EML2: variants seen among roughly 807,000 people sequenced by gnomAD.
EML2 encodes EMAP like 2.
EML2 carries 59 observed loss-of-function variants against 84.7 expected under a neutral mutation model. The observed-to-expected ratio is 0.70, with a 90% confidence interval of 0.56 to 0.86. EML2 has a LOEUF of 0.86. Ranked by LOEUF, EML2 falls within the 40% of genes least tolerant of loss-of-function variation. The pLI is 0.00. For synonymous variants in EML2, 352 were observed against 348.9 expected, an observed-to-expected ratio of 1.01 and a Z score of -0.10; for missense variants, 818 against 855.6, an observed-to-expected ratio of 0.96 and a Z score of 0.55.
At chr19:45,637,656 CTTTTTCTTTTCTTTTTT>C (rs1973899543) in intron 3 of EML2, among the ~76,000 whole-genome samples, 7 of 98,842 alleles carry the variant, frequency 7.1e-5, no homozygotes, top group South Asian at 6.5e-4. Context: ...TTTTTTTTTT[CTTTTTCTTTTCTTTTTT>C]TTTTTTTTTT....
chr19:45,619,081 G>A lies in EML2; in HGVS notation c.1233C>T (p.Pro411=). The change falls in exon 12 of 19, where the codon CCC becomes CCT. Residue 411 remains proline, a synonymous_variant. Transcript: ENST00000245925. ...VHLWSSDSHQ[P]LWSRIIEDPA... The stretch of plus-strand genomic sequence containing the variant: ...TTACCTCGATGATCCTGCTCCACAG[G>A]GGCTGGTGGGAATCTGAGCTCCATA... 2.5e-6 allele frequency: 4 copies of A among 1,613,082 alleles called. No homozygotes were observed. The highest frequency in any genetic ancestry group is 3.4e-6 in the Non-Finnish European group (4 of 1,179,444).
upstream of EML2, chr19:45,642,316 T>G: frequency 1.3e-6 from 2 of 1,535,720 alleles, no homozygotes; most frequent in Non-Finnish European, 1.7e-6. Flanking sequence ...CACGCGGTCG[T>G]CCACTTCCAT....
upstream of EML2, chr19:45,643,638 G>A (rs542307803): frequency 6.5e-6 from 10 of 1,536,136 alleles, no homozygotes; most frequent in African/African-American, 2.7e-5. Flanking sequence ...TGGAAGTAAA[G>A]GTGGTAGCTT....
Position 45,609,638 on chromosome 19 carries a change from G to T in EML2, c.*25C>A. 1.3e-6 allele frequency: 2 copies of T among 1,585,370 alleles called. No individual in the cohort carries two copies. Among genetic ancestry groups the T allele is most frequent in the South Asian group, 2.3e-5 (2 of 88,268 alleles). On this transcript the variant is annotated 3_prime_UTR_variant, in exon 19 of 19. Transcript: ENST00000245925. ...CTCCCGAAAATAGAATTCCTGCCCT[G>T]ACACCTGACTCTTCCCTGGCCGCAT...
upstream of EML2, chr19:45,645,205 G>A (rs1356531110): frequency 4.1e-6 from 6 of 1,479,380 alleles, no homozygotes; most frequent in East Asian, 1.0e-4. Flanking sequence ...GCAAGGAGGA[G>A]GCTGGGGCAA....
At chr19:45,644,561 A>G (rs948717209), upstream of EML2, 2 of 399,406 alleles carry the variant, frequency 5.0e-6, no homozygotes, top group Admixed American at 5.1e-5. Flanking sequence ...CCATCCTACC[A>G]ACCCCCACAC....
At chr19:45,641,736 G>A (rs1974528906), upstream of EML2, 6 of 1,536,140 alleles carry the variant, frequency 3.9e-6, no homozygotes, top group Non-Finnish European at 5.2e-6. Context: ...GTGACAAGTA[G>A]CGGCGGACAC....
rs762296225 is a variant in EML2 at position 45,631,920 on chromosome 19, C to CTCGCCCTG, written c.510+933_510+940dup. Among the ~76,000 whole-genome samples, 819 of 101,426 alleles carry CTCGCCCTG rather than the reference C, an allele frequency of 8.1e-3. 5 individuals are homozygous for CTCGCCCTG. The highest frequency in any genetic ancestry group is 0.011 in the Non-Finnish European group (586 of 51,788). 66.5% of individuals were successfully genotyped at this position (101,426 alleles called of 152,430 possible). ...TTTTTTTTTTTTTTTTAGTTGGAGTCTCGCCCTGTCGCCCAGGCTGCAGTG... is the reference window on the plus strand; with the variant it reads ...TTTTTTTTTTTTTTTTAGTTGGAGTCTCGCCCTGTCGCCCTGTCGCCCAGGCTGCAGTG... On this transcript the variant is annotated intron_variant, in intron 6 of 18. Transcript: ENST00000245925.
chr19:45,643,955 G>A (rs1241907485), upstream of EML2, among the ~76,000 whole-genome samples: 1 of 152,224 alleles, frequency 6.6e-6, no homozygotes, highest in Admixed American at 6.5e-5. Context: ...AACTAAGGAA[G>A]GAGGCTAGTA....
At chr19:45,642,407 G>C (rs1051044346), upstream of EML2, 1 of 1,506,360 alleles carries the variant, frequency 6.6e-7, no homozygotes, top group Admixed American at 2.1e-5. Flanking sequence ...CAGTGCCCAA[G>C]GGGTCCCTCC....
At chr19:45,621,794 G>C (rs1011037293) in intron 9 of EML2, among the ~76,000 whole-genome samples, 157 bp from the exon 10 acceptor site, 1 of 151,596 alleles carries the variant, frequency 6.6e-6, no homozygotes, top group Non-Finnish European at 1.5e-5. Context: ...GCCCAGGCTG[G>C]AGTGCACTGG....
rs759926410 is a variant in EML2 at position 45,621,240 on chromosome 19, G to A, written c.1089C>T (p.Gly363=). ...VGTTRNSILQ[G]SVHTGFSLLV... is the part of the protein sequence containing the mutation. ...GCAGTGAGAAGCCTGTGTGCACGGA[G>A]CCCTGCAGGATGGAATTGCGGGTGG... Residue 363 remains glycine, a synonymous_variant, in exon 11 of 19, where the codon GGC becomes GGT. Transcript: ENST00000245925. 6.2e-7 allele frequency: 1 copy of A among 1,614,012 alleles called. No individual in the cohort carries two copies. The highest frequency in any genetic ancestry group is 1.1e-5 in the South Asian group (1 of 91,086).
chr19:45,617,271 C>T (rs1971201293), intron 13 of EML2, among the ~76,000 whole-genome samples: 1 of 151,680 alleles, frequency 6.6e-6, no homozygotes, highest in Non-Finnish European at 1.5e-5. Flanking sequence ...AAAACAAGGC[C>T]AGGTACAGTG....
At chr19:45,641,561 C>A, upstream of EML2, 1 of 1,411,736 alleles carries the variant, frequency 7.1e-7, no homozygotes, top group Non-Finnish European at 9.6e-7. Flanking sequence ...GTTACGACCT[C>A]GTGGCCTGGG....
chr19:45,643,807 C>G (rs1237607713), upstream of EML2: 1 of 1,445,450 alleles, frequency 6.9e-7, no homozygotes, highest in Non-Finnish European at 9.1e-7. Flanking sequence ...CACTCAGCGC[C>G]TCCCAGGTCC....
At chr19:45,626,962 T>TTC in intron 7 of EML2, 123 bp from the exon 8 acceptor site, 1 of 574,926 alleles carries the variant, frequency 1.7e-6, no homozygotes, top group East Asian at 4.4e-5. Flanking sequence ...GAACTTTTCT[T>TTC]TTTTTTTTTT....
chr19:45,641,478 G>T (rs553733872), upstream of EML2: 2 of 663,396 alleles, frequency 3.0e-6, no homozygotes, highest in South Asian at 1.9e-5. Context: ...CACTGTTACC[G>T]TGCCACCTCA....
upstream of EML2, chr19:45,645,432 T>C: frequency 1.4e-6 from 2 of 1,451,842 alleles, no homozygotes; most frequent in Non-Finnish European, 1.8e-6. Context: ...AGCAACGCCC[T>C]TCGTTCCAGC....
chr19:45,609,824 G>A, intron 18 of EML2, 36 bp from the exon 19 acceptor site: 1 of 1,606,846 alleles, frequency 6.2e-7, no homozygotes, highest in Non-Finnish European at 8.5e-7. Flanking sequence ...AGAAATGTCA[G>A]TGGGGACAAT....
Sources: allele counts gnomAD v4.1 joint callset (sites outside exome capture counted in the v4.1 genomes callset), GRCh38; gene constraint gnomAD v4.1.1; transcripts MANE v1.5; gene names NCBI Gene and HGNC (gene_info 2026-07-23, HGNC 2026-07-21).